CRPPA: variants seen among roughly 807,000 people sequenced by gnomAD.
CRPPA encodes the protein D-ribitol-5-phosphate cytidylyltransferase.
A neutral mutation model predicts 52.0 loss-of-function variants in CRPPA; 43 were observed. That is an observed-to-expected ratio of 0.83 (90% CI 0.65 to 1.07). The LOEUF is 1.07. Ranked by LOEUF, CRPPA falls within the 50% of genes least tolerant of loss-of-function variation. The probability of loss-of-function intolerance (pLI) is 0.00; values close to 1 mark genes in which losing one functional copy is unlikely to be tolerated. For missense variants in CRPPA, 629 were observed against 551.7 expected (o/e 1.14, Z -1.40); for synonymous variants, 250 against 203.5 (o/e 1.23, Z -1.94).
chr7:16,179,954 G>T (rs1781377917), intron 9 of CRPPA, among the ~76,000 whole-genome samples: 1 of 152,076 alleles, frequency 6.6e-6, no homozygotes, highest in African/African-American at 2.4e-5. Context: ...ATTTAATGAA[G>T]AAATCTGTTT....
At position 16,203,326 on chromosome 7, in the gene CRPPA, G is replaced by A. The variant is rs1781898793; in HGVS notation, c.1251+12740C>T. ...TATTCTCGTTCATGAAGTTTGGGTG[G>A]AGCTGACCTGGATCCAGGTGTGGAC... On this transcript the variant is annotated intron_variant, in intron 9 of 9. Transcript: ENST00000407010. Among the ~76,000 whole-genome samples, 3 of 152,122 alleles carry A rather than the reference G, an allele frequency of 2.0e-5. No homozygotes were observed. The South Asian group carries it at 6.2e-4, about 32-fold the overall frequency.
chr7:16,304,232 C>T (rs1341174095), intron 4 of CRPPA, among the ~76,000 whole-genome samples: 1 of 152,034 alleles, frequency 6.6e-6, no homozygotes, highest in Non-Finnish European at 1.5e-5. Context: ...TCCCTACTCC[C>T]AGAACCAGTT....
At chr7:16,294,142 G>A (rs1299980307) in intron 5 of CRPPA, among the ~76,000 whole-genome samples, 1 of 151,730 alleles carries the variant, frequency 6.6e-6, no homozygotes, top group Admixed American at 6.6e-5. Flanking sequence ...AAAGTTAGAA[G>A]GAAAAGCAAA....
At chr7:16,403,392 AG>A (rs1787875542) in intron 2 of CRPPA, among the ~76,000 whole-genome samples, 1 of 152,158 alleles carries the variant, frequency 6.6e-6, no homozygotes, top group African/African-American at 2.4e-5. Flanking sequence ...TACCAGTTTA[AG>A]TTTTTTTAAT....
At chr7:16,365,432 T>G (rs1786566169) in intron 3 of CRPPA, among the ~76,000 whole-genome samples, 1 of 152,208 alleles carries the variant, frequency 6.6e-6, no homozygotes, top group Non-Finnish European at 1.5e-5. Flanking sequence ...AAGGCTCTAT[T>G]TGCTAGGGAA....
chr7:16,209,030 G>A (rs1782044776), intron 9 of CRPPA: 1 of 443,362 alleles, frequency 2.3e-6, no homozygotes, highest in Non-Finnish European at 4.5e-6. Flanking sequence ...GGCAAGAAGG[G>A]CAAGGATTTT....
intron 3 of CRPPA, among the ~76,000 whole-genome samples, chr7:16,361,553 CAT>C (rs367793255): frequency 1.2e-3 from 180 of 152,274 alleles, no homozygotes; most frequent in African/African-American, 4.1e-3. Flanking sequence ...AAATCCGACA[CAT>C]GTTCCAACAC....
At position 16,247,807 on chromosome 7, in the gene CRPPA, T is replaced by C. The variant is rs139046077; in HGVS notation, c.1119+10583A>G. 22 of 152,298 alleles carry C rather than the reference T, an allele frequency of 1.4e-4. No homozygotes were observed. The East Asian group carries it at 2.1e-3, about 15-fold the overall frequency. 9.4% of individuals were successfully genotyped at this position (152,298 alleles called of 1,614,324 possible). A position where few individuals can be genotyped will look rare whatever the true frequency, so the allele number is the denominator to read the frequency against. On this transcript the variant is annotated intron_variant, in intron 8 of 9. Transcript: ENST00000407010. Reference sequence around the variant, plus strand: ...ATAAACATTGTACAATATTTTAGCATACAGACTTTTAATTCTATTTTAAAA... The same window carrying C: ...ATAAACATTGTACAATATTTTAGCACACAGACTTTTAATTCTATTTTAAAA...
intron 8 of CRPPA, among the ~76,000 whole-genome samples, chr7:16,222,037 G>T (rs555580113): frequency 0.017 from 2,630 of 150,466 alleles, 68 homozygotes; most frequent in African/African-American, 0.061. Flanking sequence ...CAAAGACTTG[G>T]AACCAACCCA....
chr7:16,193,717 C>T (rs1368679019), intron 9 of CRPPA, among the ~76,000 whole-genome samples: 33 of 151,964 alleles, frequency 2.2e-4, no homozygotes, highest in Admixed American at 2.2e-3. Context: ...TACACACACT[C>T]AGGCATATAT....
chr7:16,247,845 G>C (rs2128408649), intron 8 of CRPPA: 1 of 152,222 alleles, frequency 6.6e-6, no homozygotes. Context: ...AGTTGTGAGA[G>C]ACATGTACAC....
At chr7:16,322,426 T>C (rs773849274) in intron 3 of CRPPA, among the ~76,000 whole-genome samples, 10 of 152,132 alleles carry the variant, frequency 6.6e-5, no homozygotes, top group Non-Finnish European at 1.5e-4. Flanking sequence ...GGCCAGTTTG[T>C]AAACAAATTT....
intron 2 of CRPPA, among the ~76,000 whole-genome samples, chr7:16,391,680 T>C (rs1023496789): frequency 1.3e-5 from 2 of 152,122 alleles, no homozygotes; most frequent in Non-Finnish European, 2.9e-5. Context: ...TACTAGACAG[T>C]GGAGTTAGCC....
intron 3 of CRPPA, among the ~76,000 whole-genome samples, chr7:16,311,127 A>C (rs1785025841): frequency 6.6e-6 from 1 of 152,106 alleles, no homozygotes; most frequent in South Asian, 2.1e-4. Flanking sequence ...TACTATTGAA[A>C]CCTTGTAAAC....
intron 3 of CRPPA, among the ~76,000 whole-genome samples, chr7:16,340,281 G>C (rs1785788564): frequency 1.3e-5 from 2 of 151,986 alleles, no homozygotes; most frequent in African/African-American, 4.8e-5. Context: ...CTGCTCTGTA[G>C]AAGACACCAT....
Position 16,290,181 on chromosome 7 carries a change from C to G in CRPPA, c.835+11240G>C, listed in dbSNP as rs1784529965. On this transcript the variant is annotated intron_variant, in intron 5 of 9. Coordinates refer to ENST00000407010, the MANE Select transcript of CRPPA (RefSeq NM_001101426.4). Reference sequence around the variant, plus strand: ...ATTAAAAAATGGGAAGACATCCATGCTCATGAATCAAAAGAATATTGTTAA... The same window carrying G: ...ATTAAAAAATGGGAAGACATCCATGGTCATGAATCAAAAGAATATTGTTAA... Among the ~76,000 whole-genome samples, 3 of 151,880 alleles carry G rather than the reference C, an allele frequency of 2.0e-5. No individual in the cohort carries two copies. In the South Asian group the frequency reaches 6.2e-4, roughly 32 times the overall value.
At chr7:16,209,636 AAG>A in intron 9 of CRPPA, among the ~76,000 whole-genome samples, 1 of 152,206 alleles carries the variant, frequency 6.6e-6, no homozygotes, top group Non-Finnish European at 1.5e-5. Context: ...CACACAAAAA[AAG>A]AAAGATTCAC....
At chr7:16,403,261 G>A (rs1456007584) in intron 2 of CRPPA, among the ~76,000 whole-genome samples, 1 of 152,148 alleles carries the variant, frequency 6.6e-6, no homozygotes, top group Non-Finnish European at 1.5e-5. Flanking sequence ...TTGCCTCCCT[G>A]TAGGGCCTGA....
intron 9 of CRPPA, among the ~76,000 whole-genome samples, chr7:16,120,405 C>G (rs550659353): frequency 1.1e-4 from 17 of 152,264 alleles, no homozygotes; most frequent in Middle Eastern, 3.4e-3. Context: ...AGAATCACCC[C>G]TTACCCCTAA....
Sources: allele counts gnomAD v4.1 joint callset (sites outside exome capture counted in the v4.1 genomes callset), GRCh38; gene constraint gnomAD v4.1.1; transcripts MANE v1.5; gene names NCBI Gene and HGNC (gene_info 2026-07-23, HGNC 2026-07-21).